Variants in MLLT3 observed in about 807,000 individuals in gnomAD.
MLLT3 encodes protein AF-9.
MLLT3 carries 4 observed loss-of-function variants against 53.2 expected under a neutral mutation model. The observed-to-expected ratio is 0.08, with a 90% CI of 0.04 to 0.17. The LOEUF (loss-of-function observed/expected upper bound fraction) is 0.17. Ranked by LOEUF, MLLT3 falls within the 10% of genes least tolerant of loss-of-function variation. The probability of loss-of-function intolerance (pLI) is 1.00; values close to 1 mark genes in which losing one functional copy is unlikely to be tolerated. For missense variants in MLLT3, 569 were observed against 684.0 expected, an observed-to-expected ratio of 0.83 and a Z score of 1.87; for synonymous variants, 283 against 230.6, an observed-to-expected ratio of 1.23 and a Z score of -2.06.
At chr9:20,504,450 G>T (rs778315612) in intron 2 of MLLT3, among the ~76,000 whole-genome samples, 46 of 151,880 alleles carry the variant, frequency 3.0e-4, no homozygotes, top group Non-Finnish European at 4.3e-4. Flanking sequence ...TCAACAACAT[G>T]AATGAACCTG....
chr9:20,544,732 G>T (rs1438925937), intron 2 of MLLT3, among the ~76,000 whole-genome samples: 1 of 152,110 alleles, frequency 6.6e-6, no homozygotes, highest in African/African-American at 2.4e-5. Flanking sequence ...CCATTTCTGG[G>T]TATATATCCA....
intron 2 of MLLT3, among the ~76,000 whole-genome samples, chr9:20,580,352 T>C (rs561482909): frequency 6.6e-6 from 1 of 152,298 alleles, no homozygotes; most frequent in South Asian, 2.1e-4. Flanking sequence ...GTTACGTTAG[T>C]TAACTTGACT....
intron 2 of MLLT3, among the ~76,000 whole-genome samples, chr9:20,460,372 A>T (rs1824077630): frequency 2.0e-5 from 3 of 152,258 alleles, no homozygotes; most frequent in Admixed American, 6.5e-5. Flanking sequence ...AGGTGACAAT[A>T]AAATGGGATA....
At chr9:20,425,858 A>C (rs2118803508) in intron 4 of MLLT3, among the ~76,000 whole-genome samples, 1 of 152,200 alleles carries the variant, frequency 6.6e-6, no homozygotes, top group Admixed American at 6.5e-5. Flanking sequence ...TAAAGAATTT[A>C]AGGTAAACCC....
chr9:20,411,075 C>G (rs1367310732), intron 5 of MLLT3: 1 of 152,222 alleles, frequency 6.6e-6, no homozygotes, highest in Non-Finnish European at 1.5e-5. Context: ...GAGGCAGACA[C>G]ACAACTAGGA....
intron 8 of MLLT3, among the ~76,000 whole-genome samples, chr9:20,356,875 C>T (rs1438797778): frequency 6.6e-6 from 1 of 152,168 alleles, no homozygotes; most frequent in Non-Finnish European, 1.5e-5. Flanking sequence ...GTTGCAGTGG[C>T]AGGAACAAAA....
At chr9:20,603,345 C>G (rs1403136180) in intron 2 of MLLT3, among the ~76,000 whole-genome samples, 1 of 152,034 alleles carries the variant, frequency 6.6e-6, no homozygotes, top group East Asian at 1.9e-4. Flanking sequence ...ACTTTTACCT[C>G]TTAGGTCAAA....
At chr9:20,403,040 G>A (rs1822494589) in intron 5 of MLLT3, among the ~76,000 whole-genome samples, 1 of 151,980 alleles carries the variant, frequency 6.6e-6, no homozygotes, top group Non-Finnish European at 1.5e-5. Context: ...GTGAGTGAAG[G>A]ATGTGCGAAT....
intron 5 of MLLT3, among the ~76,000 whole-genome samples, chr9:20,379,600 T>G (rs544016064): frequency 4.6e-5 from 7 of 152,228 alleles, no homozygotes; most frequent in African/African-American, 1.7e-4. Flanking sequence ...ATTTACTTAA[T>G]TTTTCCCCTT....
intron 2 of MLLT3, among the ~76,000 whole-genome samples, chr9:20,521,638 C>CAAAG (rs57831783): frequency 0.7 from 105,663 of 151,438 alleles, 37,231 homozygotes; most frequent in East Asian, 0.86. Flanking sequence ...TTTAAACTGA[C>CAAAG]AATGTTGGAT....
chr9:20,558,638 A>G (rs902788583), intron 2 of MLLT3, among the ~76,000 whole-genome samples: 5 of 152,194 alleles, frequency 3.3e-5, no homozygotes, highest in Admixed American at 6.5e-5. Context: ...CTGGACCCCT[A>G]GAGAGGCTGA....
At chr9:20,606,998 T>C (rs986988272) in intron 2 of MLLT3, among the ~76,000 whole-genome samples, 2 of 152,154 alleles carry the variant, frequency 1.3e-5, no homozygotes, top group African/African-American at 4.8e-5. Context: ...CCTTGTCCTC[T>C]GGTTCCTCTT....
At chr9:20,547,461 T>G (rs1235418498) in intron 2 of MLLT3, among the ~76,000 whole-genome samples, 1 of 149,880 alleles carries the variant, frequency 6.7e-6, no homozygotes, top group African/African-American at 2.5e-5. Context: ...CCGGCCAACA[T>G]GATGAAACCC....
intron 4 of MLLT3, among the ~76,000 whole-genome samples, chr9:20,433,180 C>T (rs58250623): frequency 5.3e-5 from 8 of 152,086 alleles, no homozygotes; most frequent in African/African-American, 7.2e-5. Context: ...GCCTGCTCTT[C>T]GGAGAAATGC....
At chr9:20,557,347 A>G (rs115473283) in intron 2 of MLLT3, among the ~76,000 whole-genome samples, 1,582 of 152,256 alleles carry the variant, frequency 0.01, 26 homozygotes, top group African/African-American at 0.034. Flanking sequence ...GTTTAAGCCA[A>G]TTAATCTCTC....
chr9:20,343,214 A>AT lies in MLLT3; in HGVS notation c.*3228dup, dbSNP rs1554673308. 1.8e-3 allele frequency: 204 copies of AT among 115,742 alleles called. 5 individuals carry two copies. The highest frequency in any genetic ancestry group is 0.01 in the African/African-American group (152 of 14,930). The allele number at this position is 115,742 out of a possible 1,614,324, so 7.2% of individuals were successfully genotyped here. A position where few individuals can be genotyped will look rare whatever the true frequency, so the allele number is the denominator to read the frequency against. ...AAAAAAAAAAAAAAAAAAAAAAAAA[A>AT]TTTTGAAGAAACTTTTTAGTGGAAG... On this transcript the variant is annotated 3_prime_UTR_variant, in exon 11 of 11. Coordinates refer to ENST00000380338, the MANE Select transcript of MLLT3 (RefSeq NM_004529.4).
chr9:20,608,752 A>T (rs1173857859), intron 2 of MLLT3, among the ~76,000 whole-genome samples: 3 of 152,030 alleles, frequency 2.0e-5, no homozygotes, highest in Non-Finnish European at 4.4e-5. Context: ...ATCTTATTGT[A>T]AATGTGCCCA....
At chr9:20,413,471 C>A (rs1822782788) in intron 5 of MLLT3, among the ~76,000 whole-genome samples, 1 of 152,150 alleles carries the variant, frequency 6.6e-6, no homozygotes, top group Non-Finnish European at 1.5e-5. Flanking sequence ...ATTCAAATGA[C>A]CCATTATAAT....
chr9:20,551,052 C>A (rs1818913979), intron 2 of MLLT3, among the ~76,000 whole-genome samples: 2 of 152,224 alleles, frequency 1.3e-5, no homozygotes, highest in African/African-American at 2.4e-5. Context: ...GCGTGGGCCA[C>A]AGCACCCAGC....
Sources: gnomAD v4.1 joint callset for allele counts (sites outside exome capture counted in the v4.1 genomes callset) on GRCh38, gnomAD v4.1.1 for gene constraint, MANE v1.5 for transcripts, NCBI Gene and HGNC (gene_info 2026-07-23, HGNC 2026-07-21) for gene names.